CCNJL: variants seen among roughly 807,000 people sequenced by gnomAD.
CCNJL encodes cyclin-J-like protein.
A neutral mutation model predicts 33.4 loss-of-function variants in CCNJL; 33 were observed. The ratio of observed to expected loss-of-function variants is 0.99; its 90% CI spans 0.75 to 1.32. CCNJL has a LOEUF of 1.32. CCNJL is among the 40% of genes most tolerant of loss of function. The pLI, the probability that CCNJL is intolerant of heterozygous loss-of-function variation, is 0.00. For synonymous variants in CCNJL, 227 were observed against 220.9 expected, an observed-to-expected ratio of 1.03 and a Z score of -0.24; for missense variants, 512 against 499.7, an observed-to-expected ratio of 1.02 and a Z score of -0.23.
At chr5:160,295,297 T>C (rs978420563) in intron 2 of CCNJL, among the ~76,000 whole-genome samples, 1 of 152,184 alleles carries the variant, frequency 6.6e-6, no homozygotes, top group Admixed American at 6.5e-5. Context: ...GAGACCATCC[T>C]GTCCAACAGG....
At chr5:160,289,875 G>A (rs773012516) in intron 2 of CCNJL, among the ~76,000 whole-genome samples, 2 of 152,178 alleles carry the variant, frequency 1.3e-5, no homozygotes, top group Non-Finnish European at 2.9e-5. Flanking sequence ...GACGTGCCCG[G>A]GAGTGCAGGT....
intron 2 of CCNJL, among the ~76,000 whole-genome samples, chr5:160,289,624 G>A (rs925583120): frequency 2.0e-5 from 3 of 151,966 alleles, no homozygotes; most frequent in Non-Finnish European, 2.9e-5. Flanking sequence ...GGGTTCTCAA[G>A]CAGAAAGAGG....
At chr5:160,336,880 C>A (rs553375609) in intron 1 of CCNJL, among the ~76,000 whole-genome samples, 1 of 152,114 alleles carries the variant, frequency 6.6e-6, no homozygotes, top group Non-Finnish European at 1.5e-5. Flanking sequence ...TCTCCAAAGA[C>A]GGCCAAAATT....
At chr5:160,284,435 C>T (rs1172941289) in intron 2 of CCNJL, among the ~76,000 whole-genome samples, 2 of 152,168 alleles carry the variant, frequency 1.3e-5, no homozygotes, top group African/African-American at 4.8e-5. Flanking sequence ...AAAAACAAGA[C>T]AGACGTTATC....
At chr5:160,302,468 C>T (rs1386265702) in intron 2 of CCNJL, among the ~76,000 whole-genome samples, 2 of 152,214 alleles carry the variant, frequency 1.3e-5, no homozygotes, top group African/African-American at 4.8e-5. Context: ...TCAAAAATCC[C>T]TTCTATTCAT....
chr5:160,277,741 TCTG>T (rs1300106329), intron 3 of CCNJL, among the ~76,000 whole-genome samples: 76 of 135,126 alleles, frequency 5.6e-4, no homozygotes, highest in South Asian at 3.1e-3. Flanking sequence ...TTCCTGTCTA[TCTG>T]TTTTTTTTTT....
chr5:160,291,036 T>TAAAAAAAA (rs1177369719), intron 2 of CCNJL, among the ~76,000 whole-genome samples: 86 of 57,318 alleles, frequency 1.5e-3, no homozygotes, highest in Middle Eastern at 0.011. Context: ...CGTCTTTACT[T>TAAAAAAAA]AAAAAAAAAA....
chr5:160,269,296 T>C (rs1053360107), intron 3 of CCNJL, among the ~76,000 whole-genome samples: 1 of 152,196 alleles, frequency 6.6e-6, no homozygotes, highest in African/African-American at 2.4e-5. Flanking sequence ...TGTCACTGAC[T>C]GAAAGCAGGG....
In CCNJL at chr5:160,334,782, G is replaced by A. The variant is rs563683203; in HGVS notation, n.206+4663C>T. On this transcript the variant is annotated intron_variant and non_coding_transcript_variant, in intron 1 of 7. Coordinates refer to the CCNJL transcript ENST00000377503. The stretch of plus-strand genomic sequence containing the variant: ...AGACCTGGCATCAGATCCACCTGGA[G>A]GGTTTGTTAAGAACAGATGGCTGGA... Among the ~76,000 whole-genome samples the A allele has an allele frequency of 2.0e-5, 3 of 152,344 alleles. No homozygotes were observed. In the South Asian group the frequency reaches 6.2e-4, roughly 32 times the overall value.
In CCNJL at chr5:160,253,237, T is replaced by C. The variant is rs557707300; in HGVS notation, c.*141A>G. 7 of 716,296 alleles carry C rather than the reference T, an allele frequency of 9.8e-6. No homozygotes were observed. The South Asian group carries it at 1.6e-4, about 16-fold the overall frequency. 44.4% of individuals were successfully genotyped at this position (716,296 alleles called of 1,614,324 possible). A position where few individuals can be genotyped will look rare whatever the true frequency, so the allele number is the denominator to read the frequency against. On this transcript the variant is annotated 3_prime_UTR_variant, in exon 6 of 6. Transcript: ENST00000257536. ...AATGTTTTGCTCTGGGTCAGTTTTA[T>C]TTAAAAGGAGCACAGACCCTCCACG...
At chr5:160,332,996 C>T (rs569811017) in intron 1 of CCNJL, among the ~76,000 whole-genome samples, 2 of 152,308 alleles carry the variant, frequency 1.3e-5, no homozygotes, top group African/African-American at 4.8e-5. Context: ...CAACGATTCT[C>T]TTCCTCCGCT....
upstream of CCNJL, among the ~76,000 whole-genome samples, chr5:160,314,875 A>G (rs962088654): frequency 2.6e-5 from 4 of 152,330 alleles, no homozygotes; most frequent in East Asian, 3.9e-4. Flanking sequence ...ACAGTGGGGT[A>G]CTTTTTTGTT....
chr5:160,317,569 C>T (rs943180406), upstream of CCNJL, among the ~76,000 whole-genome samples: 11 of 152,044 alleles, frequency 7.2e-5, no homozygotes, highest in African/African-American at 1.5e-4. Context: ...AGTGGACCTG[C>T]GATGCATGGA....
intron 3 of CCNJL, among the ~76,000 whole-genome samples, chr5:160,273,713 C>G (rs1761917261): frequency 7.3e-6 from 1 of 136,152 alleles, no homozygotes; most frequent in South Asian, 2.3e-4. Context: ...GTGGCGCGAT[C>G]TTGGCTCACT....
At chr5:160,270,576 C>T (rs937207170) in intron 3 of CCNJL, among the ~76,000 whole-genome samples, 10 of 152,004 alleles carry the variant, frequency 6.6e-5, no homozygotes, top group African/African-American at 2.2e-4. Context: ...GATCCTGCCT[C>T]AAAAAGATAA....
At chr5:160,338,854 C>T (rs559120345) in intron 1 of CCNJL, among the ~76,000 whole-genome samples, 10 of 151,978 alleles carry the variant, frequency 6.6e-5, no homozygotes, top group Admixed American at 3.3e-4. Flanking sequence ...TGCAGTGGCG[C>T]GATCTCAGCT....
chr5:160,302,659 A>C (rs1762959180), intron 2 of CCNJL, among the ~76,000 whole-genome samples: 1 of 152,064 alleles, frequency 6.6e-6, no homozygotes, highest in Admixed American at 6.6e-5. Context: ...TAAAAATACA[A>C]AAATTAGCTG....
upstream of CCNJL, among the ~76,000 whole-genome samples, chr5:160,314,965 A>C (rs1253310181): frequency 6.6e-6 from 1 of 152,212 alleles, no homozygotes; most frequent in Non-Finnish European, 1.5e-5. Flanking sequence ...AAATCAAAAC[A>C]TTTTAAACTG....
At position 160,255,236 on chromosome 5, in the gene CCNJL, C is replaced by G. The variant is rs181302395; in HGVS notation, c.743+313G>C. ...GCTGAGGCAGGAGAATCGCTTGAAC[C>G]CGGGAGGCGGAGGTTGCAGTGAGCC... On this transcript the variant is annotated intron_variant, in intron 5 of 5. Transcript: ENST00000257536. The G allele has an allele frequency of 1.7e-3, 303 of 173,598 alleles. 2 individuals carry two copies. The highest frequency in any genetic ancestry group is 5.8e-3 in the East Asian group (39 of 6,730). The allele number at this position is 173,598 out of a possible 1,614,324, so 10.8% of individuals were successfully genotyped here.
Sources: allele counts gnomAD v4.1 joint callset (sites outside exome capture counted in the v4.1 genomes callset), GRCh38; gene constraint gnomAD v4.1.1; transcripts MANE v1.5; gene names NCBI Gene and HGNC (gene_info 2026-07-23, HGNC 2026-07-21).